The following METTL25 variants were observed in gnomAD, a reference collection of about 807,000 sequenced individuals.
METTL25 encodes probable methyltransferase-like protein 25.
Under a neutral mutation model 71.6 loss-of-function variants are expected in METTL25, and 64 were observed. That is an observed-to-expected ratio of 0.89 (90% confidence interval 0.73 to 1.10). The LOEUF is 1.10. Ranked by LOEUF, METTL25 falls within the 50% of genes least tolerant of loss-of-function variation. The probability of loss-of-function intolerance (pLI) is 0.00; values close to 1 mark genes in which losing one functional copy is unlikely to be tolerated. For missense variants in METTL25, 807 were observed against 707.0 expected (o/e 1.14, Z -1.60); for synonymous variants, 287 against 250.3 (o/e 1.15, Z -1.38).
At chr12:82,444,490 C>T (rs1317988064) in intron 8 of METTL25, among the ~76,000 whole-genome samples, 1 of 152,072 alleles carries the variant, frequency 6.6e-6, no homozygotes, top group African/African-American at 2.4e-5. Context: ...AGTAAGTACA[C>T]AGACAAAATT....
chr12:82,362,934 A>G (rs1178572954), intron 1 of METTL25, among the ~76,000 whole-genome samples: 1 of 152,222 alleles, frequency 6.6e-6, no homozygotes, highest in Non-Finnish European at 1.5e-5. Context: ...AGAGGTTACT[A>G]TTGAAAGACT....
intron 1 of METTL25, chr12:82,374,150 G>T (rs972237293): frequency 2.9e-4 from 48 of 164,986 alleles, no homozygotes; most frequent in African/African-American, 8.9e-4. Flanking sequence ...TCTTCCTTCT[G>T]GTGGGTTCGT....
At chr12:82,370,409 A>G (rs534469173) in intron 1 of METTL25, among the ~76,000 whole-genome samples, 5 of 152,314 alleles carry the variant, frequency 3.3e-5, no homozygotes, top group Admixed American at 2.6e-4. Flanking sequence ...AGAGGTTGGT[A>G]TAAGAGTTTG....
intron 1 of METTL25, among the ~76,000 whole-genome samples, chr12:82,366,429 C>T (rs17774489): frequency 0.062 from 9,403 of 152,224 alleles, 343 homozygotes; most frequent in Middle Eastern, 0.12. Context: ...CTCAAATGAT[C>T]CTACCAGGAT....
chr12:82,369,431 T>G (rs1882949915), intron 1 of METTL25: 1 of 449,440 alleles, frequency 2.2e-6, no homozygotes, highest in Admixed American at 2.4e-5. Context: ...CCACGGACCT[T>G]TGCGGTGACT....
chr12:82,477,420 A>G, intron 11 of METTL25, 68 bp downstream of exon 11: 1 of 758,710 alleles, frequency 1.3e-6, no homozygotes, highest in Non-Finnish European at 2.1e-6. Context: ...AGCCACTTAT[A>G]TCTAGGATAA....
At chr12:82,459,984 A>G in intron 9 of METTL25, 1 of 152,190 alleles carries the variant, frequency 6.6e-6, no homozygotes, top group East Asian at 1.9e-4. Flanking sequence ...CTTTTTTGAC[A>G]GGATCCGCTG....
At chr12:82,406,712 CA>C (rs767578196) in intron 5 of METTL25, among the ~76,000 whole-genome samples, 1 of 151,986 alleles carries the variant, frequency 6.6e-6, no homozygotes, top group Non-Finnish European at 1.5e-5. Flanking sequence ...ACATTAGTTT[CA>C]AAATAATATA....
chr12:82,381,454 G>A (rs752050350), intron 1 of METTL25, among the ~76,000 whole-genome samples: 1 of 152,122 alleles, frequency 6.6e-6, no homozygotes, highest in Non-Finnish European at 1.5e-5. Context: ...TAAGAGCATG[G>A]TTTGCATGTT....
intron 9 of METTL25, among the ~76,000 whole-genome samples, chr12:82,465,821 A>G (rs1245428942): frequency 1.3e-5 from 2 of 151,950 alleles, no homozygotes; most frequent in Non-Finnish European, 2.9e-5. Context: ...TTCCTGGTTC[A>G]ATCCTGGTAG....
chr12:82,387,302 A>G (rs1414249645), intron 2 of METTL25, among the ~76,000 whole-genome samples: 1 of 151,960 alleles, frequency 6.6e-6, no homozygotes, highest in Non-Finnish European at 1.5e-5. Flanking sequence ...AATGTTCTCT[A>G]TGGGAAGAGG....
chr12:82,422,735 A>T (rs1221507660), intron 5 of METTL25, among the ~76,000 whole-genome samples: 2 of 152,218 alleles, frequency 1.3e-5, no homozygotes, highest in East Asian at 3.9e-4. Flanking sequence ...AATCACAAGC[A>T]TTCTTATACA....
chr12:82,430,978 A>G lies in METTL25; in HGVS notation c.1365A>G (p.Ser455=), dbSNP rs1382210560. The G allele has an allele frequency of 1.3e-6, 2 of 1,589,022 alleles. No homozygotes were observed. Among genetic ancestry groups the G allele is most frequent in the Middle Eastern group, 1.7e-4 (1 of 5,968 alleles). ...RWCCGRNARM[S]ACLALERVAA... ...GCTGTGGTCGTAATGCCAGAATGTC[A>G]GCATGTTTGGTATGGTTATATTTTT... Residue 455 remains serine, a synonymous_variant, in exon 6 of 12, where the codon TCA becomes TCG. Transcript: ENST00000248306.
Position 82,358,891 on chromosome 12 carries a change from C to A in METTL25, c.259+67C>A, listed in dbSNP as rs1479994222. On this transcript the variant is annotated intron_variant, in intron 1 of 11. Coordinates refer to ENST00000248306, the MANE Select transcript of METTL25 (RefSeq NM_032230.3). ...GAAGGTCCCGGCAGACGAAGCGAGC[C>A]CCCTGGTGGAAGCCAGCAGAACCAG... is the stretch of plus-strand genomic sequence containing the variant. 4.6e-6 allele frequency: 7 copies of A among 1,532,498 alleles called. No individual in the cohort carries two copies. The Admixed American group carries it at 5.9e-5, about 13-fold the overall frequency. 94.9% of individuals were successfully genotyped at this position (1,532,498 alleles called of 1,614,324 possible). A position where few individuals can be genotyped will look rare whatever the true frequency, so the allele number is the denominator to read the frequency against.
intron 3 of METTL25, among the ~76,000 whole-genome samples, chr12:82,392,330 C>A (rs1057284060): frequency 1.3e-5 from 2 of 149,192 alleles, no homozygotes; most frequent in African/African-American, 4.9e-5. Flanking sequence ...TGTTCAGTTC[C>A]CACCTATGAG....
In METTL25 at chr12:82,385,689, A is replaced by C. The variant is rs138027441; in HGVS notation, c.260-1114A>C. Among the ~76,000 whole-genome samples the C allele has an allele frequency of 1.4e-4, 21 of 152,310 alleles. No homozygotes were observed. In the East Asian group the frequency reaches 4.1e-3, roughly 29 times the overall value. ...AGTGTGCCTATGTGCATCCATCATAATAAGCAGGGGTGTGCTGCAGTAATA... is the reference window on the plus strand; with the variant it reads ...AGTGTGCCTATGTGCATCCATCATACTAAGCAGGGGTGTGCTGCAGTAATA... On this transcript the variant is annotated intron_variant, in intron 1 of 11. Coordinates refer to ENST00000248306, the MANE Select transcript of METTL25 (RefSeq NM_032230.3).
intron 1 of METTL25, among the ~76,000 whole-genome samples, chr12:82,366,143 T>A (rs1304475872): frequency 6.6e-6 from 1 of 152,158 alleles, no homozygotes; most frequent in Non-Finnish European, 1.5e-5. Context: ...TCATTGTAAT[T>A]CTAAAATTAG....
intron 1 of METTL25, among the ~76,000 whole-genome samples, chr12:82,364,527 CTG>C (rs1331155061): frequency 4.6e-5 from 7 of 152,222 alleles, no homozygotes; most frequent in Non-Finnish European, 2.9e-5. Context: ...GTAGGAAAGA[CTG>C]TGGCCTACAT....
At chr12:82,434,200 G>A (rs1195388433) in intron 6 of METTL25, among the ~76,000 whole-genome samples, 1 of 151,122 alleles carries the variant, frequency 6.6e-6, no homozygotes, top group Non-Finnish European at 1.5e-5. Flanking sequence ...AATACATATA[G>A]TTTTCCAAAA....
Sources: allele counts gnomAD v4.1 joint callset (sites outside exome capture counted in the v4.1 genomes callset), GRCh38; gene constraint gnomAD v4.1.1; transcripts MANE v1.5; gene names NCBI Gene and HGNC (gene_info 2026-07-23, HGNC 2026-07-21).